RNASET2: variants seen among roughly 807,000 people sequenced by gnomAD.
RNASET2 encodes ribonuclease T2, also known as ribonuclease 6.
Under a neutral mutation model 33.9 loss-of-function variants are expected in RNASET2, and 28 were observed. The observed-to-expected ratio is 0.83, with a 90% confidence interval of 0.61 to 1.13. The LOEUF (loss-of-function observed/expected upper bound fraction) is 1.13, where lower values mean the gene tolerates loss of function less well. RNASET2 is among the 50% of genes most tolerant of loss of function. RNASET2 has a pLI of 0.00. For missense variants in RNASET2, 330 were observed against 319.9 expected (o/e 1.03, Z -0.24); for synonymous variants, 123 against 121.0 (o/e 1.02, Z -0.11).
intron 1 of RNASET2, chr6:166,955,776 G>A (rs566140488): frequency 6.2e-5 from 76 of 1,233,184 alleles, no homozygotes; most frequent in Middle Eastern, 3.3e-4. Flanking sequence ...CGTGCCCAGG[G>A]CTCCCCCCAA....
chr6:166,934,428 C>T (rs1238497197), intron 6 of RNASET2: 1 of 405,782 alleles, frequency 2.5e-6, no homozygotes, highest in Non-Finnish European at 4.5e-6. Flanking sequence ...AGCTGGCACA[C>T]ACATCACCAC....
rs958960105 is a variant in RNASET2 at position 166,923,720 on chromosome 6, T to C, written c.*5868A>G. ...ATAAGAAAACCCTCACTACTGCCCC[T>C]TCTATGGGAAACGTAGCTCATCCCA... is the stretch of plus-strand genomic sequence containing the variant. On this transcript the variant is annotated 3_prime_UTR_variant, in exon 9 of 9. Coordinates refer to ENST00000508775, the MANE Select transcript of RNASET2 (RefSeq NM_003730.6). 6.6e-6 allele frequency among the ~76,000 whole-genome samples: 1 copy of C among 152,224 alleles called. No individual in the cohort carries two copies. The highest frequency in any genetic ancestry group is 1.5e-5 in the Non-Finnish European group (1 of 68,032).
At position 166,922,311 on chromosome 6, in the gene RNASET2, C is replaced by T. The variant is rs542306516; in HGVS notation, c.*7277G>A. Among the ~76,000 whole-genome samples the T allele has an allele frequency of 1.3e-5, 2 of 152,264 alleles. No individual in the cohort carries two copies. The highest frequency in any genetic ancestry group is 1.9e-4 in the East Asian group (1 of 5,178). On this transcript the variant is annotated 3_prime_UTR_variant, in exon 9 of 9. Coordinates refer to ENST00000508775, the MANE Select transcript of RNASET2 (RefSeq NM_003730.6). ...ATCTGAGTTATAGTAAAGCCTGTTT[C>T]GTTGGTGTTTGCCTGATAATATCTT... is the stretch of plus-strand genomic sequence containing the variant.
At chr6:166,955,812 G>A in intron 1 of RNASET2, 2 of 965,046 alleles carry the variant, frequency 2.1e-6, no homozygotes, top group Non-Finnish European at 2.5e-6. Flanking sequence ...AGGTCACCCC[G>A]GGGCGTGCTC....
At chr6:166,955,990 G>A in intron 1 of RNASET2, 107 bp downstream of exon 1, 1 of 1,215,122 alleles carries the variant, frequency 8.2e-7, no homozygotes, top group Non-Finnish European at 1.2e-6. Flanking sequence ...CCCAGTCGCT[G>A]CCCGGGGCTC....
At chr6:166,930,736 C>T (rs1211934781) in intron 8 of RNASET2, among the ~76,000 whole-genome samples, 9 of 151,502 alleles carry the variant, frequency 5.9e-5, no homozygotes, top group East Asian at 5.9e-4. Flanking sequence ...CACATGCCCA[C>T]ATAATGTACA....
chr6:166,927,937 AAAC>A lies in RNASET2; in HGVS notation c.*1648_*1650del, dbSNP rs974015433. ...ATCCTGCCCTGCCAAGCCAACAGAAAAACACTGGAGACAGAAATGAGCTCAGAG... is the reference window on the plus strand; with the variant it reads ...ATCCTGCCCTGCCAAGCCAACAGAAAACTGGAGACAGAAATGAGCTCAGAG... On this transcript the variant is annotated 3_prime_UTR_variant, in exon 9 of 9. Coordinates refer to ENST00000508775, the MANE Select transcript of RNASET2 (RefSeq NM_003730.6). 2.0e-5 allele frequency among the ~76,000 whole-genome samples: 3 copies of A among 152,170 alleles called. No homozygotes were observed. The highest frequency in any genetic ancestry group is 4.4e-5 in the Non-Finnish European group (3 of 68,024).
In RNASET2 at chr6:166,931,229, A is replaced by T. The variant is rs1364257729; in HGVS notation, c.493-111T>A. On this transcript the variant is annotated intron_variant, in intron 7 of 8. Coordinates refer to ENST00000508775, the MANE Select transcript of RNASET2 (RefSeq NM_003730.6). ...AGGGTCCTGGTCTCCCTTGGCTGGCAGGGACAGGACCCAGCACAGGTGTGA... is the reference window on the plus strand; with the variant it reads ...AGGGTCCTGGTCTCCCTTGGCTGGCTGGGACAGGACCCAGCACAGGTGTGA... The T allele has an allele frequency of 3.7e-6, 3 of 817,352 alleles. No homozygotes were observed. The East Asian group carries it at 7.3e-5, about 20-fold the overall frequency. The allele number at this position is 817,352 out of a possible 1,614,324, so 50.6% of individuals were successfully genotyped here.
At chr6:166,930,197 T>G (rs1778385603) in intron 8 of RNASET2, among the ~76,000 whole-genome samples, 1 of 152,246 alleles carries the variant, frequency 6.6e-6, no homozygotes. Flanking sequence ...AGTACCCTAT[T>G]GCTAAAAGAA....
chr6:166,938,559 A>G lies in RNASET2; in HGVS notation c.446+336T>C, dbSNP rs1025461703. On this transcript the variant is annotated intron_variant, in intron 6 of 8. Transcript: ENST00000508775. ...CGTCTTTCTAAGGAAACGACTTATT[A>G]ATGCACTATCCTTTATCAGGAATCA... is the stretch of plus-strand genomic sequence containing the variant. 3 of 577,534 alleles carry G rather than the reference A, an allele frequency of 5.2e-6. No homozygotes were observed. The African/African-American group carries it at 5.6e-5, about 11-fold the overall frequency. The allele number at this position is 577,534 out of a possible 1,614,324, so 35.8% of individuals were successfully genotyped here.
intron 7 of RNASET2, chr6:166,932,789 C>T (rs531277609): frequency 2.6e-5 from 4 of 152,360 alleles, no homozygotes; most frequent in African/African-American, 9.6e-5. Flanking sequence ...GTAATCAGTT[C>T]CCTGAACACC....
chr6:166,923,472 G>T lies in RNASET2; in HGVS notation c.*6116C>A, dbSNP rs769359792. On this transcript the variant is annotated 3_prime_UTR_variant, in exon 9 of 9. Coordinates refer to ENST00000508775, the MANE Select transcript of RNASET2 (RefSeq NM_003730.6). The stretch of plus-strand genomic sequence containing the variant: ...TGACCTCAAGTGATCCGCCCACCTC[G>T]GCCTCCCAAGGTGCTAGGATTACAG... Among the ~76,000 whole-genome samples, 22 of 151,924 alleles carry T rather than the reference G, an allele frequency of 1.4e-4. No homozygotes were observed. Among genetic ancestry groups the T allele is most frequent in the Non-Finnish European group, 3.1e-4 (21 of 67,970 alleles).
At chr6:166,936,455 G>C (rs1185091868) in intron 6 of RNASET2, among the ~76,000 whole-genome samples, 1 of 152,138 alleles carries the variant, frequency 6.6e-6, no homozygotes, top group Non-Finnish European at 1.5e-5. Context: ...TTGGCTCAGG[G>C]GTCTGCAGGC....
chr6:166,946,106 G>T (rs1340884969), intron 4 of RNASET2, among the ~76,000 whole-genome samples: 3 of 152,188 alleles, frequency 2.0e-5, no homozygotes, highest in Non-Finnish European at 4.4e-5. Context: ...GACATATAAG[G>T]TACGGGTATC....
At chr6:166,937,688 C>T (rs953864946) in intron 6 of RNASET2, among the ~76,000 whole-genome samples, 1 of 152,164 alleles carries the variant, frequency 6.6e-6, no homozygotes, top group Non-Finnish European at 1.5e-5. Flanking sequence ...GCAACCTATC[C>T]ATTTATTTCA....
Position 166,933,911 on chromosome 6 carries a change from C to A in RNASET2, c.492+180G>T. 1.5e-6 allele frequency: 1 copy of A among 652,338 alleles called. No individual in the cohort carries two copies. The highest frequency in any genetic ancestry group is 2.7e-5 in the East Asian group (1 of 36,770). The allele number at this position is 652,338 out of a possible 1,614,324, so 40.4% of individuals were successfully genotyped here. ...AATCACTGGTCTAAGCAGCCTTCAGCTCCTACTCAACATGCGCAGGAAAAT... is the reference window on the plus strand; with the variant it reads ...AATCACTGGTCTAAGCAGCCTTCAGATCCTACTCAACATGCGCAGGAAAAT... On this transcript the variant is annotated intron_variant, in intron 7 of 8. Coordinates refer to ENST00000508775, the MANE Select transcript of RNASET2 (RefSeq NM_003730.6). This position sits in a 1 kb window ranked among gnomAD's most constrained non-coding sequence, Gnocchi z 4.1.
intron 2 of RNASET2, among the ~76,000 whole-genome samples, chr6:166,951,269 G>T (rs1176482875): frequency 6.6e-6 from 1 of 152,278 alleles, no homozygotes; most frequent in Non-Finnish European, 1.5e-5. Context: ...CTAGAAGGCA[G>T]AGCCAGGTGT....
chr6:166,945,959 G>A (rs1583228996), intron 4 of RNASET2, among the ~76,000 whole-genome samples: 1 of 152,068 alleles, frequency 6.6e-6, no homozygotes, highest in Non-Finnish European at 1.5e-5. Context: ...GCTACCACAC[G>A]TTTTAAAGAA....
intron 7 of RNASET2, 167 bp from the exon 8 acceptor site, chr6:166,931,285 A>G: frequency 1.5e-6 from 1 of 651,428 alleles, no homozygotes; most frequent in Non-Finnish European, 2.8e-6. Flanking sequence ...CCAGCGAAGC[A>G]GAGGATGCTG....
Sources: allele counts gnomAD v4.1 joint callset (sites outside exome capture counted in the v4.1 genomes callset), GRCh38; gene constraint gnomAD v4.1.1; non-coding constraint Gnocchi (gnomAD v3.1); transcripts MANE v1.5; gene names NCBI Gene and HGNC (gene_info 2026-07-23, HGNC 2026-07-21).